The following GABRG3 variants were observed in gnomAD, a reference collection of about 807,000 sequenced individuals.
GABRG3 encodes the protein gamma-aminobutyric acid type A receptor subunit gamma3, also known as gamma-aminobutyric acid receptor subunit gamma-3.
In GABRG3, 25 loss-of-function variants were observed where a neutral mutation model predicts 48.8. The observed-to-expected ratio is 0.51, with a 90% CI of 0.37 to 0.72. GABRG3 has a LOEUF of 0.72. GABRG3 is among the 30% of genes least tolerant of loss of function. The pLI, the probability that GABRG3 is intolerant of heterozygous loss-of-function variation, is 0.00. For missense variants in GABRG3, 394 were observed against 577.9 expected, an observed-to-expected ratio of 0.68 and a Z score of 3.26; for synonymous variants, 227 against 217.6, an observed-to-expected ratio of 1.04 and a Z score of -0.38.
intron 2 of GABRG3, among the ~76,000 whole-genome samples, chr15:26,989,930 A>G (rs1025006838): frequency 1.3e-5 from 2 of 152,168 alleles, no homozygotes; most frequent in African/African-American, 4.8e-5. Context: ...CTCCAGTTCT[A>G]TCTATGGCAT....
intron 3 of GABRG3, among the ~76,000 whole-genome samples, chr15:27,321,750 T>C (rs142565968): frequency 2.1e-3 from 321 of 152,292 alleles, no homozygotes; most frequent in Non-Finnish European, 3.4e-3. Context: ...CCTGCTCTAA[T>C]CTCCTTTTTT....
intron 3 of GABRG3, among the ~76,000 whole-genome samples, chr15:27,087,855 A>ATGTGCTGTGGGGTGTGTGTGG: frequency 6.9e-6 from 1 of 145,788 alleles, no homozygotes; most frequent in East Asian, 2.0e-4. Context: ...TGTGTGTGTA[A>ATGTGCTGTGGGGTGTGTGTGG]TGTGCTGTGG....
At chr15:27,526,350 C>T (rs527892819) in intron 7 of GABRG3, among the ~76,000 whole-genome samples, 42 of 152,174 alleles carry the variant, frequency 2.8e-4, no homozygotes, top group Non-Finnish European at 5.0e-4. Context: ...CTCATCTGTC[C>T]TGTGTACCTA....
At chr15:27,532,474 A>AGAGTGGGGAAT (rs28399530) in intron 9 of GABRG3, 126 bp from the exon 10 acceptor site, 8 of 757,890 alleles carry the variant, frequency 1.1e-5, no homozygotes, top group African/African-American at 5.8e-5. Flanking sequence ...CATGGGGGGA[A>AGAGTGGGGAAT]GGGCACACCC....
At chr15:27,037,139 C>A (rs1031670922) in intron 3 of GABRG3, among the ~76,000 whole-genome samples, 47 of 152,262 alleles carry the variant, frequency 3.1e-4, no homozygotes, top group African/African-American at 1.0e-3. Flanking sequence ...CCCTCACAGC[C>A]CCCAGAGAGC....
chr15:27,062,044 C>G (rs1245430154), intron 3 of GABRG3, among the ~76,000 whole-genome samples: 2 of 152,210 alleles, frequency 1.3e-5, no homozygotes, highest in African/African-American at 4.8e-5. Flanking sequence ...GAATCTCTCT[C>G]ATCCACCATC....
chr15:27,444,573 A>C (rs1051279527), intron 5 of GABRG3, among the ~76,000 whole-genome samples: 1 of 152,138 alleles, frequency 6.6e-6, no homozygotes, highest in Non-Finnish European at 1.5e-5. Context: ...AGGATTTCTC[A>C]AAGTTCAATC....
chr15:27,373,086 G>T (rs1223795250), intron 5 of GABRG3, among the ~76,000 whole-genome samples: 1 of 151,240 alleles, frequency 6.6e-6, no homozygotes, highest in African/African-American at 2.5e-5. Flanking sequence ...CAGTGAGAAG[G>T]GTGACGTGTA....
chr15:27,102,006 C>A (rs765812988), intron 3 of GABRG3, among the ~76,000 whole-genome samples: 3 of 152,136 alleles, frequency 2.0e-5, no homozygotes, highest in Non-Finnish European at 4.4e-5. Flanking sequence ...ACATCCTATA[C>A]AAAAACCAAC....
At chr15:27,309,086 A>AAC (rs1270883881) in intron 3 of GABRG3, among the ~76,000 whole-genome samples, 4 of 142,606 alleles carry the variant, frequency 2.8e-5, no homozygotes, top group African/African-American at 1.2e-4. Flanking sequence ...TTTATATAGA[A>AAC]ATATAATGTA....
chr15:27,066,728 G>T (rs1382467770), intron 3 of GABRG3, among the ~76,000 whole-genome samples: 1 of 151,914 alleles, frequency 6.6e-6, no homozygotes, highest in East Asian at 1.9e-4. Context: ...TTTCCTGGAC[G>T]CCCATTCTGT....
intron 3 of GABRG3, among the ~76,000 whole-genome samples, chr15:27,218,331 A>C (rs1345313264): frequency 6.6e-6 from 1 of 151,904 alleles, no homozygotes; most frequent in East Asian, 1.9e-4. Flanking sequence ...GTGGCAGGAA[A>C]CTCCCTTAAG....
intron 5 of GABRG3, among the ~76,000 whole-genome samples, chr15:27,342,971 G>A (rs1194945751): frequency 2.6e-5 from 4 of 152,226 alleles, no homozygotes; most frequent in East Asian, 1.9e-4. Context: ...AAGGGGATGC[G>A]CTCAGCAAGT....
At chr15:27,182,253 G>A (rs1010601753) in intron 3 of GABRG3, among the ~76,000 whole-genome samples, 2 of 152,138 alleles carry the variant, frequency 1.3e-5, no homozygotes, top group South Asian at 2.1e-4. Context: ...CAGGTGCCTG[G>A]GAAGCAGGGG....
intron 6 of GABRG3, among the ~76,000 whole-genome samples, chr15:27,490,294 G>T (rs2150848852): frequency 6.6e-6 from 1 of 152,308 alleles, no homozygotes; most frequent in African/African-American, 2.4e-5. Context: ...GCTTTCAGCA[G>T]GATTCAGATT....
intron 3 of GABRG3, among the ~76,000 whole-genome samples, chr15:27,171,926 A>G (rs1309512899): frequency 6.6e-6 from 1 of 152,220 alleles, no homozygotes; most frequent in East Asian, 1.9e-4. Context: ...GGAAAGTCCA[A>G]GAGCATGGTG....
chr15:27,522,207 C>T (rs1891175377), intron 7 of GABRG3, among the ~76,000 whole-genome samples: 1 of 151,860 alleles, frequency 6.6e-6, no homozygotes, highest in Non-Finnish European at 1.5e-5. Context: ...AGTCAGTTGC[C>T]ATCTTTAAAG....
At chr15:27,048,216 A>G (rs1011455) in intron 3 of GABRG3, among the ~76,000 whole-genome samples, 76,642 of 151,912 alleles carry the variant, frequency 0.5, 19,900 homozygotes, top group East Asian at 0.61. Flanking sequence ...TCATGTGCTC[A>G]TTTACTCTGA....
chr15:27,450,347 T>C (rs1889073008), intron 5 of GABRG3, among the ~76,000 whole-genome samples: 1 of 152,112 alleles, frequency 6.6e-6, no homozygotes, highest in Non-Finnish European at 1.5e-5. Flanking sequence ...TCACAGCACC[T>C]TAAAGAGATC....
Sources: gnomAD v4.1 joint callset for allele counts (sites outside exome capture counted in the v4.1 genomes callset) on GRCh38, gnomAD v4.1.1 for gene constraint, MANE v1.5 for transcripts, NCBI Gene and HGNC (gene_info 2026-07-23, HGNC 2026-07-21) for gene names.